THADA: variants seen among roughly 807,000 people sequenced by gnomAD.
THADA encodes tRNA (32-2'-O)-methyltransferase regulator THADA.
Under a neutral mutation model 219.8 loss-of-function variants are expected in THADA, and 213 were observed. That is an observed-to-expected ratio of 0.97 (90% CI 0.87 to 1.09). The LOEUF is 1.09. Ranked by LOEUF, THADA falls within the 50% of genes least tolerant of loss-of-function variation. THADA has a pLI of 0.00. For synonymous variants in THADA, 1,018 were observed against 828.9 expected (o/e 1.23, Z -3.92); for missense variants, 2,956 against 2,311.3 (o/e 1.28, Z -5.72).
chr2:43,418,561 T>C (rs529347680), intron 28 of THADA, among the ~76,000 whole-genome samples: 63 of 152,282 alleles, frequency 4.1e-4, no homozygotes, highest in African/African-American at 1.3e-3. Context: ...GCAGAGGTAA[T>C]TGAAATTCTC....
intron 14 of THADA, among the ~76,000 whole-genome samples, chr2:43,567,338 A>G (rs1698806266): frequency 6.6e-6 from 1 of 152,182 alleles, no homozygotes; most frequent in African/African-American, 2.4e-5. Context: ...TCACATTAAA[A>G]CACAACAAGG....
chr2:43,384,353 G>C (rs1391970607), intron 29 of THADA, among the ~76,000 whole-genome samples: 1 of 143,132 alleles, frequency 7.0e-6, no homozygotes, highest in African/African-American at 2.6e-5. Context: ...CCACTGCTTG[G>C]GGATTACAGG....
At chr2:43,315,970 C>T (rs931605849) in intron 31 of THADA, among the ~76,000 whole-genome samples, 2 of 152,182 alleles carry the variant, frequency 1.3e-5, no homozygotes, top group African/African-American at 4.8e-5. Context: ...TGAGGCCTTC[C>T]ATGACTGAGT....
At chr2:43,265,136 T>C (rs1052624871) in intron 36 of THADA, among the ~76,000 whole-genome samples, 5 of 152,174 alleles carry the variant, frequency 3.3e-5, no homozygotes, top group Admixed American at 6.5e-5. Context: ...AGCTTGCCTG[T>C]GGTTGGACCA....
intron 24 of THADA, 80 bp downstream of exon 24, chr2:43,505,542 G>GT: frequency 9.3e-7 from 1 of 1,072,076 alleles, no homozygotes; most frequent in South Asian, 1.5e-5. Flanking sequence ...TAACAAGACG[G>GT]TAACAGCCGT....
At chr2:43,489,019 G>C (rs1687268094) in intron 25 of THADA, among the ~76,000 whole-genome samples, 2 of 151,946 alleles carry the variant, frequency 1.3e-5, no homozygotes, top group African/African-American at 2.4e-5. Context: ...GTTTATTATT[G>C]AGTTATAAGA....
At chr2:43,290,302 T>A (rs1328141822) in intron 34 of THADA, among the ~76,000 whole-genome samples, 1 of 151,696 alleles carries the variant, frequency 6.6e-6, no homozygotes, top group Admixed American at 6.6e-5. Flanking sequence ...TGGGCTATAG[T>A]TTTTAGCAAA....
intron 36 of THADA, among the ~76,000 whole-genome samples, chr2:43,243,409 C>T (rs1668814561): frequency 6.6e-6 from 1 of 152,198 alleles, no homozygotes; most frequent in South Asian, 2.1e-4. Flanking sequence ...CCCTACCACC[C>T]CAATTAATGT....
At chr2:43,560,956 G>A (rs879430337) in intron 15 of THADA, among the ~76,000 whole-genome samples, 6 of 150,638 alleles carry the variant, frequency 4.0e-5, no homozygotes, top group Non-Finnish European at 7.4e-5. Flanking sequence ...GACGGAGATT[G>A]CAGTGAGCTG....
chr2:43,416,074 G>A (rs1573539193), intron 28 of THADA, among the ~76,000 whole-genome samples: 1 of 152,078 alleles, frequency 6.6e-6, no homozygotes, highest in East Asian at 1.9e-4. Context: ...AATTATGCAG[G>A]TTATAATTAG....
Position 43,346,871 on chromosome 2 carries a change from C to A in THADA, c.4228-2634G>T, listed in dbSNP as rs1573188405. ...TCACTTTTGTTTGTATGCTTGACCT[C>A]CCCCTCCAACAAGTCTGATGCACTG... On this transcript the variant is annotated intron_variant, in intron 29 of 37. Coordinates refer to ENST00000405975, the MANE Select transcript of THADA (RefSeq NM_022065.5). Among the ~76,000 whole-genome samples the A allele has an allele frequency of 2.6e-5, 4 of 152,186 alleles. No individual in the cohort carries two copies. The East Asian group carries it at 7.7e-4, about 29-fold the overall frequency.
intron 20 of THADA, among the ~76,000 whole-genome samples, chr2:43,543,289 G>A (rs932826515): frequency 5.3e-5 from 7 of 132,148 alleles, no homozygotes; most frequent in African/African-American, 1.5e-4. Context: ...GGACATTTGG[G>A]TTGCTTCCAA....
At chr2:43,275,589 G>A (rs949521715) in intron 36 of THADA, among the ~76,000 whole-genome samples, 10 of 152,014 alleles carry the variant, frequency 6.6e-5, no homozygotes, top group Non-Finnish European at 1.2e-4. Context: ...GGAGTCCTTC[G>A]GTCTAACTCT....
intron 8 of THADA, among the ~76,000 whole-genome samples, chr2:43,580,984 A>G (rs771792422): frequency 6.6e-6 from 1 of 152,202 alleles, no homozygotes; most frequent in Non-Finnish European, 1.5e-5. Context: ...CAAGAGCTCT[A>G]AAGAGATCCC....
intron 19 of THADA, among the ~76,000 whole-genome samples, chr2:43,549,705 A>C (rs1396669704): frequency 6.6e-6 from 1 of 152,206 alleles, no homozygotes; most frequent in African/African-American, 2.4e-5. Context: ...GAAGTGCAAT[A>C]AACTTCAATA....
chr2:43,288,561 G>A (rs997568470), intron 34 of THADA, among the ~76,000 whole-genome samples: 1 of 152,210 alleles, frequency 6.6e-6, no homozygotes, highest in Non-Finnish European at 1.5e-5. Flanking sequence ...TACACAGGGA[G>A]AGGTCCAGAA....
At chr2:43,548,865 G>T (rs541410483) in intron 20 of THADA, among the ~76,000 whole-genome samples, 1 of 152,170 alleles carries the variant, frequency 6.6e-6, no homozygotes, top group African/African-American at 2.4e-5. Flanking sequence ...CGCATGGTGC[G>T]CTGCACCCAC....
chr2:43,391,664 T>G (rs1265328802), intron 29 of THADA: 1 of 152,064 alleles, frequency 6.6e-6, no homozygotes, highest in African/African-American at 2.4e-5. Flanking sequence ...ACATAGAAAG[T>G]AATCTTTCTT....
intron 36 of THADA, among the ~76,000 whole-genome samples, chr2:43,252,315 A>T (rs2104141909): frequency 2.0e-5 from 3 of 152,356 alleles, no homozygotes; most frequent in Non-Finnish European, 4.4e-5. Flanking sequence ...TCAACTCAAG[A>T]TCTCAAATTC....
Sources: gnomAD v4.1 joint callset for allele counts (sites outside exome capture counted in the v4.1 genomes callset) on GRCh38, gnomAD v4.1.1 for gene constraint, MANE v1.5 for transcripts, NCBI Gene and HGNC (gene_info 2026-07-23, HGNC 2026-07-21) for gene names.